SIDT1: variants seen among roughly 807,000 people sequenced by gnomAD.
SIDT1 encodes the protein SID1 transmembrane family member 1.
A neutral mutation model predicts 107.5 loss-of-function variants in SIDT1; 101 were observed. That is an observed-to-expected ratio of 0.94 (90% confidence interval 0.80 to 1.11). The LOEUF (loss-of-function observed/expected upper bound fraction) is 1.11, where lower values mean the gene tolerates loss of function less well. Ranked by LOEUF, SIDT1 falls within the 50% of genes least tolerant of loss-of-function variation. The probability of loss-of-function intolerance (pLI) is 0.00; values close to 1 mark genes in which losing one functional copy is unlikely to be tolerated. For synonymous variants in SIDT1, 395 were observed against 398.2 expected (o/e 0.99, Z 0.10); for missense variants, 1,076 against 1,058.2 (o/e 1.02, Z -0.23).
At chr3:113,607,901 A>C (rs986028528) in intron 15 of SIDT1, among the ~76,000 whole-genome samples, 193 bp from the exon 16 acceptor site, 4 of 152,258 alleles carry the variant, frequency 2.6e-5, no homozygotes, top group African/African-American at 9.6e-5. Context: ...ACGTTGTCAC[A>C]GGCTAAGTAA....
At chr3:113,562,343 T>C (rs1206925912) in intron 1 of SIDT1, among the ~76,000 whole-genome samples, 1 of 152,240 alleles carries the variant, frequency 6.6e-6, no homozygotes, top group Non-Finnish European at 1.5e-5. Flanking sequence ...AGTTACCATG[T>C]CTCCCAGCAA....
intron 1 of SIDT1, among the ~76,000 whole-genome samples, chr3:113,543,269 G>A (rs1053235787): frequency 6.6e-6 from 1 of 152,026 alleles, no homozygotes; most frequent in African/African-American, 2.4e-5. Context: ...AATTCATGAG[G>A]CCAACACTGT....
intron 3 of SIDT1, 134 bp from the exon 4 acceptor site, chr3:113,576,788 C>A: frequency 1.1e-6 from 1 of 878,758 alleles, no homozygotes; most frequent in Non-Finnish European, 1.8e-6. Context: ...GGAACCGGAA[C>A]TCCCCTCACC....
Position 113,567,609 on chromosome 3 carries a change from G to A in SIDT1, c.414G>A (p.Thr138=), listed in dbSNP as rs367692899. The A allele has an allele frequency of 4.3e-5, 70 of 1,614,098 alleles. No individual in the cohort carries two copies. The highest frequency in any genetic ancestry group is 2.9e-4 in the South Asian group (26 of 91,062). ...GTCCCTCAGAAGCAACCAATGAGACGGGACCCTTGCAGCAACTGATATTTG... is the reference window on the plus strand; with the variant it reads ...GTCCCTCAGAAGCAACCAATGAGACAGGACCCTTGCAGCAACTGATATTTG... ...TLCPSEATNE[T]GPLQQLIFVD... The change falls in exon 3 of 25, where the codon ACG becomes ACA. Residue 138 remains threonine, a synonymous_variant. Transcript: ENST00000264852.
At chr3:113,542,432 A>G (rs957272380) in intron 1 of SIDT1, among the ~76,000 whole-genome samples, 1 of 152,132 alleles carries the variant, frequency 6.6e-6, no homozygotes, top group Admixed American at 6.5e-5. Context: ...ATATCTTTTT[A>G]AATATGCTGT....
intron 1 of SIDT1, among the ~76,000 whole-genome samples, chr3:113,541,137 C>CAT (rs1560006626): frequency 4.6e-5 from 6 of 131,596 alleles, no homozygotes; most frequent in African/African-American, 2.1e-4. Context: ...TATATATACA[C>CAT]ACACATACAC....
chr3:113,565,532 G>GA (rs959906303), intron 1 of SIDT1, among the ~76,000 whole-genome samples: 7 of 148,624 alleles, frequency 4.7e-5, no homozygotes, highest in South Asian at 4.2e-4. Flanking sequence ...TCTCAAGAAA[G>GA]AAAAAAAAAG....
At position 113,611,098 on chromosome 3, in the gene SIDT1, C is replaced by G; in HGVS notation, c.1811C>G (p.Ala604Gly). The change falls in exon 18 of 25, where the codon GCC (alanine) becomes GGC (glycine). Residue 604 changes from alanine (A) to glycine (G), a missense_variant. Physicochemically the swap from Ala to Gly is moderately conservative, Grantham distance 60. Transcript: ENST00000264852. Reference sequence around the variant, plus strand: ...GACATCAATGCCAGCGCCTACTCTGCCTATGCCTCCTTTGCTGTGGTCATC... The same window carrying G: ...GACATCAATGCCAGCGCCTACTCTGGCTATGCCTCCTTTGCTGTGGTCATC... ...HPDINASAYSAYASFAVVIMV... is the reference protein window; with the variant it reads ...HPDINASAYSGYASFAVVIMV... 6.2e-7 allele frequency: 1 copy of G among 1,614,122 alleles called. No homozygotes were observed. Among genetic ancestry groups the G allele is most frequent in the South Asian group, 1.1e-5 (1 of 91,074 alleles).
In SIDT1 at chr3:113,627,699, T is replaced by C. The variant is rs1288145550; in HGVS notation, c.2475T>C (p.Pro825=). Residue 825 remains proline (P), a synonymous_variant, in exon 25 of 25, where the codon CCT becomes CCC. Transcript: ENST00000264852. ...ATGTGGTTCGGAGAGACCAGATCCC[T>C]GTCTTCTGAACCTCCAACATTAAGA... The part of the protein sequence containing the change: ...DLDVVRRDQI[P]VF 1 of 1,613,532 alleles carries C rather than the reference T, an allele frequency of 6.2e-7. No homozygotes were observed. The highest frequency in any genetic ancestry group is 8.5e-7 in the Non-Finnish European group (1 of 1,179,996).
chr3:113,626,226 A>G lies in SIDT1; in HGVS notation c.2421+11A>G, dbSNP rs1432383622. On this transcript the variant is annotated intron_variant, in intron 24 of 24. Transcript: ENST00000264852. ...TTTTTCTCATTCTTGGTGAGTTCATATCTATCTTTTTGTGACTTTCTTCTC... is the reference window on the plus strand; with the variant it reads ...TTTTTCTCATTCTTGGTGAGTTCATGTCTATCTTTTTGTGACTTTCTTCTC... 9 of 1,564,546 alleles carry G rather than the reference A, an allele frequency of 5.8e-6. No homozygotes were observed. The highest frequency in any genetic ancestry group is 5.0e-5 in the Admixed American group (3 of 59,860).
At chr3:113,600,994 G>T (rs1944920148) in intron 10 of SIDT1, among the ~76,000 whole-genome samples, 1 of 152,216 alleles carries the variant, frequency 6.6e-6, no homozygotes, top group Admixed American at 6.5e-5. Context: ...TGCCAAAAAT[G>T]CTGCGTTAGC....
intron 13 of SIDT1, 60 bp from the exon 14 acceptor site, chr3:113,604,850 A>C (rs1560110354): frequency 1.9e-6 from 3 of 1,585,254 alleles, no homozygotes; most frequent in Non-Finnish European, 8.7e-7. Flanking sequence ...TAAAAATATT[A>C]ACCAAAGACT....
intron 10 of SIDT1, chr3:113,594,766 C>A (rs1301766965): frequency 6.6e-6 from 1 of 152,412 alleles, no homozygotes; most frequent in Admixed American, 6.6e-5. Flanking sequence ...CTGTAGGTAA[C>A]CACAGCAACA....
chr3:113,633,146 A>G (rs1236582719), downstream of SIDT1: 1 of 152,048 alleles, frequency 6.6e-6, no homozygotes, highest in Non-Finnish European at 1.5e-5. Context: ...AGGCCTCCCT[A>G]AGAGACCTCT....
chr3:113,597,479 G>C (rs991035140), intron 10 of SIDT1, among the ~76,000 whole-genome samples: 5 of 130,424 alleles, frequency 3.8e-5, no homozygotes, highest in Non-Finnish European at 6.2e-5. Flanking sequence ...CCTGGCGACA[G>C]AGCGAGACTC....
chr3:113,594,985 T>A (rs1560093330), intron 10 of SIDT1: 1 of 154,264 alleles, frequency 6.5e-6, no homozygotes, highest in Non-Finnish European at 1.5e-5. Context: ...AAGGACCTTT[T>A]AAGAAGCCCT....
chr3:113,597,594 G>A (rs1299365494), intron 10 of SIDT1, among the ~76,000 whole-genome samples: 1 of 151,606 alleles, frequency 6.6e-6, no homozygotes, highest in African/African-American at 2.4e-5. Flanking sequence ...GAGACATAAT[G>A]GGACAAGGCA....
At chr3:113,619,991 G>A in intron 21 of SIDT1, 1 of 326,454 alleles carries the variant, frequency 3.1e-6, no homozygotes, top group Non-Finnish European at 5.7e-6. Context: ...TGGATAGAAA[G>A]ATGGGATGGA....
chr3:113,601,732 C>A, intron 11 of SIDT1, 73 bp downstream of exon 11: 1 of 1,015,080 alleles, frequency 9.9e-7, no homozygotes, highest in Non-Finnish European at 1.5e-6. Context: ...GGCATTCCAG[C>A]CACTAATAAC....
Sources: allele counts gnomAD v4.1 joint callset (sites outside exome capture counted in the v4.1 genomes callset), GRCh38; gene constraint gnomAD v4.1.1; transcripts MANE v1.5; gene names NCBI Gene and HGNC (gene_info 2026-07-23, HGNC 2026-07-21).